The following B3GALT1 variants were observed in gnomAD, a reference collection of about 807,000 sequenced individuals.
B3GALT1 encodes the protein UDP-Gal:betaGlcNAc beta 1,3-galactosyltransferase, polypeptide 1.
B3GALT1 carries 10 observed loss-of-function variants against 23.2 expected under a neutral mutation model. That is an observed-to-expected ratio of 0.43 (90% CI 0.27 to 0.73). The LOEUF (loss-of-function observed/expected upper bound fraction) is 0.73, where lower values mean the gene tolerates loss of function less well. B3GALT1 is among the 30% of genes least tolerant of loss of function. The pLI is 0.21. For missense variants in B3GALT1, 299 were observed against 405.4 expected (o/e 0.74, Z 2.25); for synonymous variants, 156 against 141.5 (o/e 1.10, Z -0.73).
chr2:167,688,488 T>C (rs995804120), intron 3 of B3GALT1, among the ~76,000 whole-genome samples: 1 of 152,136 alleles, frequency 6.6e-6, no homozygotes, highest in African/African-American at 2.4e-5. Flanking sequence ...ATGGAAATTT[T>C]AGAACTGAAA....
intron 2 of B3GALT1, among the ~76,000 whole-genome samples, chr2:167,564,642 C>T (rs929387243): frequency 6.6e-6 from 1 of 152,212 alleles, no homozygotes; most frequent in African/African-American, 2.4e-5. Context: ...CGGCGGATCA[C>T]TCGTGGCTAG....
rs567040388 is a variant in B3GALT1 at position 167,308,521 on chromosome 2, T to C, written c.-511+15187T>C. On this transcript the variant is annotated intron_variant, in intron 1 of 4. Coordinates refer to ENST00000392690, the MANE Select transcript of B3GALT1 (RefSeq NM_020981.4). ...TTGAGAAATGAAGTAACTGATACTT[T>C]AACATTCCATGTGAAAATCCCTCCA... Among the ~76,000 whole-genome samples, 19 of 152,188 alleles carry C rather than the reference T, an allele frequency of 1.2e-4. No individual in the cohort carries two copies. In the East Asian group the frequency reaches 3.7e-3, roughly 29 times the overall value.
intron 3 of B3GALT1, among the ~76,000 whole-genome samples, chr2:167,739,073 C>T (rs957137500): frequency 2.6e-5 from 4 of 152,294 alleles, no homozygotes; most frequent in East Asian, 1.9e-4. Context: ...CCCTCTGCCC[C>T]TCTGCTCTAG....
intron 3 of B3GALT1, among the ~76,000 whole-genome samples, chr2:167,666,021 C>T (rs865825967): frequency 2.0e-5 from 3 of 152,200 alleles, no homozygotes; most frequent in Non-Finnish European, 4.4e-5. Context: ...AATGTGTTTG[C>T]TCTTGCTTTT....
chr2:167,499,447 G>A (rs1699821454), intron 2 of B3GALT1, among the ~76,000 whole-genome samples: 1 of 152,046 alleles, frequency 6.6e-6, no homozygotes, highest in African/African-American at 2.4e-5. Context: ...GGTACTATGA[G>A]ACTCAAGGAT....
chr2:167,511,526 C>G (rs1730672), intron 2 of B3GALT1, among the ~76,000 whole-genome samples: 1 of 152,116 alleles, frequency 6.6e-6, no homozygotes, highest in African/African-American at 2.4e-5. Context: ...AATTAAACCT[C>G]TTTTCTTTAT....
chr2:167,837,326 G>A (rs1689503015), intron 4 of B3GALT1, among the ~76,000 whole-genome samples: 1 of 151,932 alleles, frequency 6.6e-6, no homozygotes, highest in African/African-American at 2.4e-5. Flanking sequence ...CAAAAGGATG[G>A]AGGAAGATCT....
chr2:167,804,972 A>C (rs1161484139), intron 3 of B3GALT1, among the ~76,000 whole-genome samples: 1 of 152,178 alleles, frequency 6.6e-6, no homozygotes, highest in Non-Finnish European at 1.5e-5. Flanking sequence ...ATTTCTGCAC[A>C]TCCTCTCCAG....
intron 3 of B3GALT1, among the ~76,000 whole-genome samples, chr2:167,775,714 G>T (rs1688150881): frequency 6.9e-6 from 1 of 145,088 alleles, no homozygotes; most frequent in Non-Finnish European, 1.5e-5. Flanking sequence ...TTAAACAGGT[G>T]CTTCCATATT....
chr2:167,642,257 CG>C (rs887617836), intron 2 of B3GALT1, among the ~76,000 whole-genome samples: 6 of 152,086 alleles, frequency 3.9e-5, no homozygotes, highest in African/African-American at 1.4e-4. Context: ...TTTTCACCAT[CG>C]GGGGGTCCAG....
chr2:167,315,359 T>A (rs1171272992), intron 1 of B3GALT1, among the ~76,000 whole-genome samples: 1 of 149,896 alleles, frequency 6.7e-6, no homozygotes, highest in Admixed American at 6.7e-5. Flanking sequence ...AAAACACTAA[T>A]TTTTTTTTTA....
intron 3 of B3GALT1, among the ~76,000 whole-genome samples, chr2:167,746,425 T>A (rs1687653389): frequency 6.6e-6 from 1 of 152,258 alleles, no homozygotes. Context: ...TCAAGCCTTT[T>A]TTCTCACATC....
chr2:167,509,809 CAG>C (rs927626702), intron 2 of B3GALT1, among the ~76,000 whole-genome samples: 91 of 152,192 alleles, frequency 6.0e-4, no homozygotes, highest in African/African-American at 2.1e-3. Context: ...GGCTTCAACT[CAG>C]AGAGATGGGA....
At chr2:167,461,259 G>A (rs77998454) in intron 1 of B3GALT1, among the ~76,000 whole-genome samples, 4,135 of 152,286 alleles carry the variant, frequency 0.027, 187 homozygotes, top group African/African-American at 0.094. Context: ...CTAGGTCTAG[G>A]GGTTGGGTAG....
intron 4 of B3GALT1, among the ~76,000 whole-genome samples, chr2:167,847,834 G>C (rs1056511672): frequency 6.6e-6 from 1 of 151,848 alleles, no homozygotes; most frequent in African/African-American, 2.4e-5. Context: ...AAAATTGATA[G>C]ACTATTAACA....
chr2:167,335,840 A>G (rs1207097303), intron 1 of B3GALT1, among the ~76,000 whole-genome samples: 2 of 152,004 alleles, frequency 1.3e-5, no homozygotes, highest in Non-Finnish European at 2.9e-5. Context: ...ATCTCATCCT[A>G]TGACTTAGAA....
rs566390207 is a variant in B3GALT1, at chr2:167,745,676, G to GT, written c.-351-72989dup. Among the ~76,000 whole-genome samples the GT allele has an allele frequency of 1.4e-3, 213 of 151,470 alleles. 1 individual carries two copies. The highest frequency in any genetic ancestry group is 4.9e-3 in the African/African-American group (201 of 41,328). On this transcript the variant is annotated intron_variant, in intron 3 of 4. Coordinates refer to ENST00000392690, the MANE Select transcript of B3GALT1 (RefSeq NM_020981.4). ...TATTTTCATCCTTTTTAGCTGTTCG[G>GT]TTTTTTTCTCTCTGTTATGTTGAAA...
At chr2:167,792,860 A>ATTT (rs371433634) in intron 3 of B3GALT1, among the ~76,000 whole-genome samples, 21,894 of 144,172 alleles carry the variant, frequency 0.15, 1,915 homozygotes, top group East Asian at 0.35. Flanking sequence ...GGGGAACAGA[A>ATTT]TTTTTTTTTT....
chr2:167,851,986 G>A (rs1689911820), intron 4 of B3GALT1, among the ~76,000 whole-genome samples: 1 of 152,178 alleles, frequency 6.6e-6, no homozygotes, highest in African/African-American at 2.4e-5. Context: ...GCAGTAAACA[G>A]CCTATGTAAA....
Sources: allele counts gnomAD v4.1 joint callset (sites outside exome capture counted in the v4.1 genomes callset), GRCh38; gene constraint gnomAD v4.1.1; transcripts MANE v1.5; gene names NCBI Gene and HGNC (gene_info 2026-07-23, HGNC 2026-07-21).